PKIA: variants seen among roughly 807,000 people sequenced by gnomAD.
PKIA encodes cAMP-dependent protein kinase inhibitor alpha, also known as PKI-alpha.
In PKIA, 4 loss-of-function variants were observed where a neutral mutation model predicts 7.6. That is an observed-to-expected ratio of 0.52 (90% CI 0.26 to 1.20). The LOEUF (loss-of-function observed/expected upper bound fraction) is 1.20. Ranked by LOEUF, PKIA falls within the 50% of genes most tolerant of loss-of-function variation. The pLI is 0.13. For missense variants in PKIA, 73 were observed against 86.2 expected (o/e 0.85, Z 0.61); for synonymous variants, 21 against 30.7 (o/e 0.68, Z 1.04).
intron 1 of PKIA, among the ~76,000 whole-genome samples, chr8:78,536,596 G>GA (rs1424325761): frequency 8.6e-5 from 13 of 151,934 alleles, no homozygotes; most frequent in Non-Finnish European, 1.8e-4. Flanking sequence ...TTCTGAAATG[G>GA]AAAAATCCAA....
intron 1 of PKIA, among the ~76,000 whole-genome samples, chr8:78,529,432 T>C (rs2118355379): frequency 6.6e-6 from 1 of 152,242 alleles, no homozygotes; most frequent in Non-Finnish European, 1.5e-5. Context: ...AATGCTTTTA[T>C]ATCTACCACT....
chr8:78,597,479 T>A (rs749428716), intron 2 of PKIA, among the ~76,000 whole-genome samples: 2 of 152,112 alleles, frequency 1.3e-5, no homozygotes, highest in Non-Finnish European at 2.9e-5. Flanking sequence ...TGGTGCATAG[T>A]GGTAATAAAA....
At chr8:78,523,873 TA>T (rs1307510246) in intron 1 of PKIA, among the ~76,000 whole-genome samples, 1 of 144,892 alleles carries the variant, frequency 6.9e-6, no homozygotes, top group Non-Finnish European at 1.5e-5. Flanking sequence ...TATACATATA[TA>T]TTTATATAAA....
intron 2 of PKIA, among the ~76,000 whole-genome samples, chr8:78,587,469 A>G (rs747024991): frequency 6.6e-6 from 1 of 152,190 alleles, no homozygotes; most frequent in Non-Finnish European, 1.5e-5. Context: ...AGGTAATATT[A>G]CTTGTCACTT....
intron 1 of PKIA, among the ~76,000 whole-genome samples, chr8:78,527,985 A>G (rs1280664944): frequency 3.3e-5 from 5 of 152,062 alleles, no homozygotes; most frequent in Non-Finnish European, 7.4e-5. Context: ...TTCTTTGTGA[A>G]TTGTCAGATC....
At chr8:78,545,318 AGTT>A (rs1374246732) in intron 1 of PKIA, among the ~76,000 whole-genome samples, 1 of 152,156 alleles carries the variant, frequency 6.6e-6, no homozygotes, top group East Asian at 1.9e-4. Flanking sequence ...GAAGAATATC[AGTT>A]GTGGGCTGAG....
intron 1 of PKIA, among the ~76,000 whole-genome samples, chr8:78,562,769 C>G (rs574162168): frequency 1.2e-4 from 18 of 152,010 alleles, no homozygotes; most frequent in African/African-American, 4.1e-4. Flanking sequence ...CACCCTCCCC[C>G]ACCCCACTCC....
At chr8:78,559,534 T>C (rs1050834242) in intron 1 of PKIA, among the ~76,000 whole-genome samples, 1 of 152,208 alleles carries the variant, frequency 6.6e-6, no homozygotes, top group Non-Finnish European at 1.5e-5. Flanking sequence ...TAGACTGATA[T>C]CTATCCATCC....
chr8:78,558,326 T>C (rs1372798964), intron 1 of PKIA: 1 of 152,242 alleles, frequency 6.6e-6, no homozygotes, highest in Non-Finnish European at 1.5e-5. Context: ...TACCTTTCAC[T>C]GCCTCTCTCA....
intron 2 of PKIA, among the ~76,000 whole-genome samples, chr8:78,592,548 T>C (rs1366317497): frequency 6.6e-6 from 1 of 152,284 alleles, no homozygotes; most frequent in Admixed American, 6.5e-5. Flanking sequence ...TTTCATTCAA[T>C]TGAAATGAAA....
intron 2 of PKIA, among the ~76,000 whole-genome samples, chr8:78,584,285 C>G (rs182429455): frequency 6.6e-6 from 1 of 152,000 alleles, no homozygotes; most frequent in East Asian, 1.9e-4. Context: ...GTGGGGCCAG[C>G]CATTGGTAAG....
At chr8:78,574,850 T>A (rs1166941977) in intron 2 of PKIA, among the ~76,000 whole-genome samples, 1 of 151,968 alleles carries the variant, frequency 6.6e-6, no homozygotes, top group Non-Finnish European at 1.5e-5. Flanking sequence ...GATGTAGCTA[T>A]CATTTTTTTT....
intron 1 of PKIA, chr8:78,534,815 C>A (rs941936045): frequency 3.9e-5 from 6 of 152,122 alleles, no homozygotes; most frequent in Admixed American, 6.6e-5. Flanking sequence ...ATAGACTATT[C>A]TTTGGGATTT....
At chr8:78,519,691 AGGT>A (rs1809379928) in intron 1 of PKIA, among the ~76,000 whole-genome samples, 1 of 152,150 alleles carries the variant, frequency 6.6e-6, no homozygotes, top group Non-Finnish European at 1.5e-5. Context: ...TGTGTTTAAA[AGGT>A]AATATTAAGT....
chr8:78,583,443 A>G (rs1407505048), intron 2 of PKIA, among the ~76,000 whole-genome samples: 1 of 152,094 alleles, frequency 6.6e-6, no homozygotes, highest in East Asian at 1.9e-4. Flanking sequence ...CGTTCCTTCT[A>G]TGCCTCATCC....
intron 1 of PKIA, among the ~76,000 whole-genome samples, chr8:78,550,697 T>G (rs1293076537): frequency 6.6e-6 from 1 of 152,072 alleles, no homozygotes. Flanking sequence ...GGAGAACATG[T>G]GGTATTTGGT....
chr8:78,579,536 T>G (rs933750210), intron 2 of PKIA, among the ~76,000 whole-genome samples: 2 of 152,038 alleles, frequency 1.3e-5, no homozygotes, highest in East Asian at 3.9e-4. Flanking sequence ...GTAAGATTCC[T>G]CAAAATAAGA....
chr8:78,582,000 A>T (rs1807822674), intron 2 of PKIA, among the ~76,000 whole-genome samples: 1 of 151,938 alleles, frequency 6.6e-6, no homozygotes, highest in African/African-American at 2.4e-5. Context: ...ACGTTTTTGT[A>T]AGTGTGAGAT....
At chr8:78,519,979 C>A (rs897679812) in intron 1 of PKIA, among the ~76,000 whole-genome samples, 1 of 152,142 alleles carries the variant, frequency 6.6e-6, no homozygotes, top group Non-Finnish European at 1.5e-5. Context: ...ATAGCACATT[C>A]TATTTTGGGT....
Sources: allele counts gnomAD v4.1 joint callset (sites outside exome capture counted in the v4.1 genomes callset), GRCh38; gene constraint gnomAD v4.1.1; transcripts MANE v1.5; gene names NCBI Gene and HGNC (gene_info 2026-07-23, HGNC 2026-07-21).